Variants in COL5A1 observed in about 807,000 individuals in gnomAD.
The protein encoded by COL5A1 is collagen alpha-1(V) chain.
COL5A1 carries 16 observed loss-of-function variants against 263.7 expected under a neutral mutation model. That is an observed-to-expected ratio of 0.06 (90% CI 0.04 to 0.09). The LOEUF (loss-of-function observed/expected upper bound fraction) is 0.09. Among genes scored for constraint, COL5A1 ranks in the 10% least tolerant of loss-of-function variants. The pLI is 1.00. For missense variants in COL5A1, 2,036 were observed against 2,540.5 expected, an observed-to-expected ratio of 0.80 and a Z score of 4.27; for synonymous variants, 1,012 against 1,004.5, an observed-to-expected ratio of 1.01 and a Z score of -0.14.
chr9:134,699,873 C>T (rs1318183880), intron 2 of COL5A1, 36 bp from the exon 3 acceptor site: 1 of 1,604,094 alleles, frequency 6.2e-7, no homozygotes, highest in East Asian at 2.2e-5. Context: ...TGCAGGGGCT[C>T]CCCGACTGCC....
At chr9:134,759,828 A>ACCC (rs150984026) in intron 18 of COL5A1, among the ~76,000 whole-genome samples, 12 of 48,294 alleles carry the variant, frequency 2.5e-4, no homozygotes, top group East Asian at 1.8e-3. Flanking sequence ...ACACACCCAC[A>ACCC]CCCCCCCACT....
chr9:134,783,756 G>A (rs1312275175), intron 29 of COL5A1, among the ~76,000 whole-genome samples: 1 of 152,204 alleles, frequency 6.6e-6, no homozygotes, highest in Admixed American at 6.5e-5. Context: ...GGGAAGGAAG[G>A]GGGAGGAAGG....
At chr9:134,735,226 T>A (rs1439916891) in intron 9 of COL5A1, among the ~76,000 whole-genome samples, 1 of 149,876 alleles carries the variant, frequency 6.7e-6, no homozygotes, top group Non-Finnish European at 1.5e-5. Context: ...AAAAAAAAAA[T>A]TGTGTGCATT....
chr9:134,741,978 C>T lies in COL5A1; in HGVS notation c.1494+3170C>T, dbSNP rs1588491802. The stretch of plus-strand genomic sequence containing the variant: ...TCTGTGCCCTTCCTCACACCCTGCT[C>T]CCTGTGGGCAGCCGTGGGCAGCCGT... On this transcript the variant is annotated intron_variant, in intron 11 of 65. Coordinates refer to ENST00000371817, the MANE Select transcript of COL5A1 (RefSeq NM_000093.5). The surrounding 1 kb of genome is among the most constrained non-coding windows in gnomAD (Gnocchi z 4.5). Among the ~76,000 whole-genome samples, 1 of 152,130 alleles carries T rather than the reference C, an allele frequency of 6.6e-6. No individual in the cohort carries two copies. Among genetic ancestry groups the T allele is most frequent in the Admixed American group, 6.5e-5 (1 of 15,288 alleles).
rs573100678 is a variant in COL5A1, at chr9:134,678,303, T to C, written c.110-12609T>C. Among the ~76,000 whole-genome samples, 1 of 152,282 alleles carries C rather than the reference T, an allele frequency of 6.6e-6. No homozygotes were observed. The highest frequency in any genetic ancestry group is 2.1e-4 in the South Asian group (1 of 4,826). ...GAAGGGGCCGACACTGTGGGCCAAG[T>C]TGATGAATAAGGGAAGTGTGGCAGC... On this transcript the variant is annotated intron_variant, in intron 1 of 65. Transcript: ENST00000371817. The surrounding 1 kb of genome is among the most constrained non-coding windows in gnomAD (Gnocchi z 5.5).
intron 1 of COL5A1, among the ~76,000 whole-genome samples, chr9:134,673,350 AC>A (rs1832594683): frequency 6.6e-6 from 1 of 151,944 alleles, no homozygotes; most frequent in Non-Finnish European, 1.5e-5. Flanking sequence ...CCAGAAATAG[AC>A]TCACATGTAA....
chr9:134,642,650 C>G lies in COL5A1; in HGVS notation c.109+354C>G, dbSNP rs1831336036. 6.6e-6 allele frequency among the ~76,000 whole-genome samples: 1 copy of G among 152,242 alleles called. No individual in the cohort carries two copies. The highest frequency in any genetic ancestry group is 1.5e-5 in the Non-Finnish European group (1 of 68,032). On this transcript the variant is annotated intron_variant, in intron 1 of 65. Transcript: ENST00000371817. The surrounding 1 kb of genome is among the most constrained non-coding windows in gnomAD (Gnocchi z 4.5). Reference sequence around the variant, plus strand: ...CACATCACAGGCGCCCAGCTTGGGCCCTCACAGCCCTACAGCAGAACTTCC... The same window carrying G: ...CACATCACAGGCGCCCAGCTTGGGCGCTCACAGCCCTACAGCAGAACTTCC...
chr9:134,840,601 A>G (rs1367750394), intron 65 of COL5A1, among the ~76,000 whole-genome samples: 2 of 152,222 alleles, frequency 1.3e-5, no homozygotes, highest in Non-Finnish European at 2.9e-5. Flanking sequence ...GCTCTAGCTC[A>G]GGGTCTGTCT....
At chr9:134,822,058 G>A (rs765039461) in intron 58 of COL5A1, 39 bp from the exon 59 acceptor site, 50 of 1,594,890 alleles carry the variant, frequency 3.1e-5, no homozygotes, top group Non-Finnish European at 3.2e-5. Context: ...GCTCCTCCTC[G>A]TCTGAAGGTG....
At chr9:134,646,889 TGGGCTGG>T (rs1265974665) in intron 1 of COL5A1, among the ~76,000 whole-genome samples, 2 of 152,184 alleles carry the variant, frequency 1.3e-5, no homozygotes, top group Non-Finnish European at 2.9e-5. Flanking sequence ...GGCTGTCGGA[TGGGCTGG>T]GCGAGGACAA....
Position 134,785,068 on chromosome 9 carries a change from C to G in COL5A1, c.2564C>G (p.Pro855Arg), listed in dbSNP as rs150539264. The stretch of plus-strand genomic sequence containing the variant: ...GGTCGCGGAGGTCCCAATGGTGACC[C>G]CGGTCCTCTGGGACCCCCTGGGGAG... ...PKGRGGPNGD[P>R]GPLGPPGEKG... is the part of the protein sequence containing the mutation. Residue 855 changes from proline to arginine, a missense_variant, in exon 30 of 66, where the codon CCC becomes CGC. Physicochemically the swap from Pro to Arg is moderately radical, Grantham distance 103 (BLOSUM62 -2). Transcript: ENST00000371817. 1.9e-4 allele frequency: 299 copies of G among 1,613,342 alleles called. 2 individuals carry two copies. Among genetic ancestry groups the G allele is most frequent in the Admixed American group, 1.0e-3 (63 of 60,024 alleles).
intron 1 of COL5A1, among the ~76,000 whole-genome samples, chr9:134,668,314 C>T (rs907595323): frequency 6.6e-6 from 1 of 152,110 alleles, no homozygotes; most frequent in Non-Finnish European, 1.5e-5. Flanking sequence ...AAGATGAGGT[C>T]TAGGAGATGA....
chr9:134,774,070 C>A (rs557463739), intron 26 of COL5A1, among the ~76,000 whole-genome samples: 1 of 152,356 alleles, frequency 6.6e-6, no homozygotes, highest in African/African-American at 2.4e-5. Context: ...GCACTTGGAG[C>A]CCACAGCACA....
Position 134,647,793 on chromosome 9 carries a change from C to T in COL5A1, c.109+5497C>T, listed in dbSNP as rs1229744462. On this transcript the variant is annotated intron_variant, in intron 1 of 65. Coordinates refer to ENST00000371817, the MANE Select transcript of COL5A1 (RefSeq NM_000093.5). The surrounding 1 kb of genome is among the most constrained non-coding windows in gnomAD (Gnocchi z 5.0). ...CCGCTTCTCCTCTATTTACATTCTC[C>T]CATATAATTGACTCGTCTGCTCTCT... is the stretch of plus-strand genomic sequence containing the variant. 6.6e-6 allele frequency among the ~76,000 whole-genome samples: 1 copy of T among 152,170 alleles called. No homozygotes were observed. The highest frequency in any genetic ancestry group is 1.5e-5 in the Non-Finnish European group (1 of 68,028).
chr9:134,706,885 C>T (rs3922914), intron 4 of COL5A1, among the ~76,000 whole-genome samples: 114,287 of 152,188 alleles, frequency 0.75, 44,218 homozygotes, highest in Non-Finnish European at 0.84. Context: ...GAGTGTCCCT[C>T]CCGTGTGTGA....
chr9:134,815,855 C>T, intron 51 of COL5A1, 80 bp from the exon 52 acceptor site: 1 of 1,543,820 alleles, frequency 6.5e-7, no homozygotes. Flanking sequence ...TGGGAAGGGG[C>T]TGGAGATGCA....
At chr9:134,753,512 G>A (rs1044005710) in intron 14 of COL5A1, among the ~76,000 whole-genome samples, 1 of 152,218 alleles carries the variant, frequency 6.6e-6, no homozygotes, top group Non-Finnish European at 1.5e-5. Flanking sequence ...TGTAGCAGGT[G>A]CATACGCTGC....
At chr9:134,798,494 G>A (rs200058961) in intron 37 of COL5A1, 33 bp downstream of exon 37, 284 of 1,609,538 alleles carry the variant, frequency 1.8e-4, no homozygotes, top group Admixed American at 7.3e-4. Flanking sequence ...GACGTGGCTG[G>A]CTGGCTCTCT....
In COL5A1 at chr9:134,790,382, C is replaced by CCATA. The variant is rs1484207912; in HGVS notation, c.2700+1176_2700+1177insTACA. 2.1e-5 allele frequency among the ~76,000 whole-genome samples: 2 copies of CCATA among 94,882 alleles called. 1 individual carries two copies. Among genetic ancestry groups the CCATA allele is most frequent in the African/African-American group, 8.1e-5 (2 of 24,842 alleles). The allele number at this position is 94,882 out of a possible 152,430, so 62.2% of individuals were successfully genotyped here. On this transcript the variant is annotated intron_variant, in intron 32 of 65. Transcript: ENST00000371817. Reference sequence around the variant, plus strand: ...TCCACCCATCCATCCATGCATCCATCCACCCACCCACCCACCCACCCAGCC... The same window carrying CCATA: ...TCCACCCATCCATCCATGCATCCATCCATACACCCACCCACCCACCCACCCAGCC...
Sources: allele counts gnomAD v4.1 joint callset (sites outside exome capture counted in the v4.1 genomes callset), GRCh38; gene constraint gnomAD v4.1.1; non-coding constraint Gnocchi (gnomAD v3.1); transcripts MANE v1.5; gene names NCBI Gene and HGNC (gene_info 2026-07-23, HGNC 2026-07-21).